The following WDFY2 variants were observed in gnomAD, a reference collection of about 807,000 sequenced individuals.
WDFY2 encodes WD repeat and FYVE domain containing 2.
Under a neutral mutation model 56.4 loss-of-function variants are expected in WDFY2, and 36 were observed. The ratio of observed to expected loss-of-function variants is 0.64; its 90% CI spans 0.49 to 0.84. The LOEUF (loss-of-function observed/expected upper bound fraction) is 0.84. Ranked by LOEUF, WDFY2 falls within the 40% of genes least tolerant of loss-of-function variation. The probability of loss-of-function intolerance (pLI) is 0.00; values close to 1 mark genes in which losing one functional copy is unlikely to be tolerated. For missense variants in WDFY2, 444 were observed against 512.2 expected (o/e 0.87, Z 1.29); for synonymous variants, 176 against 183.7 (o/e 0.96, Z 0.34).
chr13:51,667,706 G>T (rs1446214415), intron 2 of WDFY2, among the ~76,000 whole-genome samples: 1 of 151,764 alleles, frequency 6.6e-6, no homozygotes, highest in Admixed American at 6.6e-5. Flanking sequence ...AAAACCTCTG[G>T]GTTCCTGGTT....
chr13:51,589,891 A>G (rs1415246131), intron 1 of WDFY2: 1 of 152,184 alleles, frequency 6.6e-6, no homozygotes, highest in African/African-American at 2.4e-5. Flanking sequence ...GGAAAATTAG[A>G]CCTTTACTCC....
intron 1 of WDFY2, among the ~76,000 whole-genome samples, chr13:51,597,793 A>AAT (rs1329830127): frequency 6.6e-6 from 1 of 152,248 alleles, no homozygotes; most frequent in Non-Finnish European, 1.5e-5. Context: ...CCCTTGAAGA[A>AAT]ATTCTGAATA....
Position 51,762,669 on chromosome 13 carries a change from A to C in WDFY2, c.*2900A>C, listed in dbSNP as rs184987396. The C allele has an allele frequency of 6.6e-6, 1 of 152,354 alleles. No homozygotes were observed. The highest frequency in any genetic ancestry group is 2.4e-5 in the African/African-American group (1 of 41,582). The allele number at this position is 152,354 out of a possible 1,614,324, so 9.4% of individuals were successfully genotyped here. A position where few individuals can be genotyped will look rare whatever the true frequency, so the allele number is the denominator to read the frequency against. The stretch of plus-strand genomic sequence containing the variant: ...CTTAGGAGTAAAAGCTGGCGCCAGC[A>C]CTTGGCTCTTGTTCTGTCTAGGTGA... On this transcript the variant is annotated 3_prime_UTR_variant, in exon 12 of 12. Coordinates refer to ENST00000298125, the MANE Select transcript of WDFY2 (RefSeq NM_052950.4).
chr13:51,692,575 G>A (rs923815149), intron 3 of WDFY2, among the ~76,000 whole-genome samples: 4 of 152,326 alleles, frequency 2.6e-5, no homozygotes, highest in South Asian at 2.1e-4. Context: ...GCTTTTCGAT[G>A]TGCTGCTGGA....
rs1378288111 is a variant in WDFY2, at chr13:51,767,342, CAGAA to C, written c.*7577_*7580del. On this transcript the variant is annotated 3_prime_UTR_variant, in exon 12 of 12. Coordinates refer to ENST00000298125, the MANE Select transcript of WDFY2 (RefSeq NM_052950.4). ...CTTGCTTGATAGCGCCTCCTTTTGT[CAGAA>C]AGACGCTGATGTTTCAGGCTGGCAC... 6.6e-6 allele frequency: 1 copy of C among 152,196 alleles called. No homozygotes were observed. Among genetic ancestry groups the C allele is most frequent in the Non-Finnish European group, 1.5e-5 (1 of 68,034 alleles). 9.4% of individuals were successfully genotyped at this position (152,196 alleles called of 1,614,324 possible). A position where few individuals can be genotyped will look rare whatever the true frequency, so the allele number is the denominator to read the frequency against.
intron 3 of WDFY2, among the ~76,000 whole-genome samples, chr13:51,692,450 A>G (rs1360221727): frequency 6.6e-6 from 1 of 152,196 alleles, no homozygotes; most frequent in African/African-American, 2.4e-5. Context: ...TATTGAGATA[A>G]TCATGTGGTT....
chr13:51,736,082 C>T (rs183267429), intron 6 of WDFY2, among the ~76,000 whole-genome samples: 1 of 152,162 alleles, frequency 6.6e-6, no homozygotes, highest in East Asian at 1.9e-4. Flanking sequence ...AATAAGCTGA[C>T]TGGCCTTAAG....
In WDFY2 at chr13:51,760,057, G is replaced by T; in HGVS notation, c.*288G>T. 1 of 319,034 alleles carries T rather than the reference G, an allele frequency of 3.1e-6. No homozygotes were observed. The highest frequency in any genetic ancestry group is 5.7e-6 in the Non-Finnish European group (1 of 175,218). The allele number at this position is 319,034 out of a possible 1,614,324, so 19.8% of individuals were successfully genotyped here. A position where few individuals can be genotyped will look rare whatever the true frequency, so the allele number is the denominator to read the frequency against. On this transcript the variant is annotated 3_prime_UTR_variant, in exon 12 of 12. Coordinates refer to ENST00000298125, the MANE Select transcript of WDFY2 (RefSeq NM_052950.4). ...TTGAGTGTACCGAAAAATCTGTGTG[G>T]GGTGTTTAATTTTTATACTTTTCAA... is the stretch of plus-strand genomic sequence containing the variant.
At chr13:51,696,774 T>C (rs2138566324) in intron 3 of WDFY2, among the ~76,000 whole-genome samples, 1 of 152,298 alleles carries the variant, frequency 6.6e-6, no homozygotes, top group South Asian at 2.1e-4. Flanking sequence ...ATAAACAATC[T>C]ATCAAGAAGA....
At chr13:51,722,786 A>C (rs1593450750) in intron 5 of WDFY2, among the ~76,000 whole-genome samples, 1 of 152,240 alleles carries the variant, frequency 6.6e-6, no homozygotes, top group Non-Finnish European at 1.5e-5. Flanking sequence ...TATTTCCCAA[A>C]GACCCCATGG....
chr13:51,712,005 G>A (rs1358300695), intron 4 of WDFY2, among the ~76,000 whole-genome samples: 2 of 152,240 alleles, frequency 1.3e-5, no homozygotes, highest in East Asian at 1.9e-4. Flanking sequence ...GTTTATTGTG[G>A]CACTATTCAC....
At chr13:51,685,521 T>C (rs1956046330) in intron 3 of WDFY2, among the ~76,000 whole-genome samples, 1 of 152,168 alleles carries the variant, frequency 6.6e-6, no homozygotes, top group South Asian at 2.1e-4. Flanking sequence ...ACTATAGTCT[T>C]ACAATAAAGT....
chr13:51,651,147 G>A (rs1955375733), intron 1 of WDFY2, among the ~76,000 whole-genome samples: 1 of 152,186 alleles, frequency 6.6e-6, no homozygotes, highest in African/African-American at 2.4e-5. Flanking sequence ...TCTTGGGAGG[G>A]TGTATGTGTC....
Position 51,754,271 on chromosome 13 carries a change from G to A in WDFY2, c.832-1087G>A, listed in dbSNP as rs576349783. 4.6e-5 allele frequency among the ~76,000 whole-genome samples: 7 copies of A among 152,134 alleles called. No individual in the cohort carries two copies. The South Asian group carries it at 6.2e-4, about 14-fold the overall frequency. On this transcript the variant is annotated intron_variant, in intron 8 of 11. Coordinates refer to ENST00000298125, the MANE Select transcript of WDFY2 (RefSeq NM_052950.4). ...CTTCTCTGTTTCCCAAACAAAGGGC[G>A]TGTAGACTGGCACAAACTCCCTGGT...
chr13:51,644,756 G>T (rs1955234807), intron 1 of WDFY2, among the ~76,000 whole-genome samples: 2 of 152,196 alleles, frequency 1.3e-5, no homozygotes, highest in African/African-American at 4.8e-5. Context: ...AGTTATTTGG[G>T]TCTGTTGTAC....
At chr13:51,604,184 A>G (rs888259396) in intron 1 of WDFY2, among the ~76,000 whole-genome samples, 9 of 152,204 alleles carry the variant, frequency 5.9e-5, no homozygotes, top group Admixed American at 4.6e-4. Flanking sequence ...TGTGCTGTAA[A>G]GGATAATTTC....
At chr13:51,718,560 AC>A (rs1952415118) in intron 4 of WDFY2, among the ~76,000 whole-genome samples, 1 of 11,286 alleles carries the variant, frequency 8.9e-5, no homozygotes, top group Non-Finnish European at 2.2e-4. Flanking sequence ...TATCATTCAT[AC>A]ACACACACAC....
rs776665580 is a variant in WDFY2, at chr13:51,767,660, A to ATCT, written c.*7893_*7895dup. 1.9e-5 allele frequency: 3 copies of ATCT among 154,770 alleles called. No individual in the cohort carries two copies. Among genetic ancestry groups the ATCT allele is most frequent in the Non-Finnish European group, 4.3e-5 (3 of 69,736 alleles). The allele number at this position is 154,770 out of a possible 1,614,324, so 9.6% of individuals were successfully genotyped here. A position where few individuals can be genotyped will look rare whatever the true frequency, so the allele number is the denominator to read the frequency against. On this transcript the variant is annotated 3_prime_UTR_variant, in exon 12 of 12. Transcript: ENST00000298125. ...AGATGCATTACTGAAGCCACTCCTA[A>ATCT]TCTTAAGCAAATGTAAACTAGGCCT... is the stretch of plus-strand genomic sequence containing the variant.
At position 51,620,164 on chromosome 13, in the gene WDFY2, A is replaced by T. The variant is rs1459090621; in HGVS notation, c.137+35340A>T. ...TTTAGATAAATGTTCCTTTTAAAAA[A>T]CGTAAAATGCTATGCTTCTCATATT... On this transcript the variant is annotated intron_variant, in intron 1 of 11. Transcript: ENST00000298125. Among the ~76,000 whole-genome samples, 4 of 143,162 alleles carry T rather than the reference A, an allele frequency of 2.8e-5. No individual in the cohort carries two copies. The East Asian group carries it at 8.3e-4, about 30-fold the overall frequency. The allele number at this position is 143,162 out of a possible 152,430, so 93.9% of individuals were successfully genotyped here.
Sources: allele counts gnomAD v4.1 joint callset (sites outside exome capture counted in the v4.1 genomes callset), GRCh38; gene constraint gnomAD v4.1.1; transcripts MANE v1.5; gene names NCBI Gene and HGNC (gene_info 2026-07-23, HGNC 2026-07-21).